TENM4: variants seen among roughly 807,000 people sequenced by gnomAD.
The protein encoded by TENM4 is teneurin-4.
In TENM4, 82 loss-of-function variants were observed where a neutral mutation model predicts 243.3. The ratio of observed to expected loss-of-function variants is 0.34; its 90% CI spans 0.28 to 0.40. The LOEUF is 0.40. Ranked by LOEUF, TENM4 falls within the 10% of genes least tolerant of loss-of-function variation. TENM4 has a pLI of 1.00. For synonymous variants in TENM4, 1,412 were observed against 1,456.3 expected (o/e 0.97, Z 0.69); for missense variants, 3,138 against 3,673.3 (o/e 0.85, Z 3.77).
At chr11:78,955,225 T>C (rs567496813) in intron 6 of TENM4, among the ~76,000 whole-genome samples, 144 of 152,334 alleles carry the variant, frequency 9.5e-4, no homozygotes, top group African/African-American at 3.4e-3. Flanking sequence ...TTCACCCTCC[T>C]TCACATTTCT....
intron 1 of TENM4, among the ~76,000 whole-genome samples, chr11:79,426,431 G>C (rs532150669): frequency 8.5e-5 from 13 of 152,160 alleles, no homozygotes; most frequent in Non-Finnish European, 1.8e-4. Flanking sequence ...TGCCCCTCTG[G>C]AAAATGGGAA....
At chr11:79,254,543 A>T (rs663876) in intron 2 of TENM4, among the ~76,000 whole-genome samples, 5,646 of 152,216 alleles carry the variant, frequency 0.037, 248 homozygotes, top group East Asian at 0.13. Context: ...TTCTTTTCTG[A>T]CTTTCTGGAC....
chr11:78,733,796 C>G (rs1269669977), intron 20 of TENM4, among the ~76,000 whole-genome samples: 2 of 152,200 alleles, frequency 1.3e-5, no homozygotes, highest in Non-Finnish European at 2.9e-5. Context: ...AAGAGGGCCA[C>G]ATGTGAACCA....
At chr11:78,958,860 G>A (rs1857260552) in intron 6 of TENM4, among the ~76,000 whole-genome samples, 1 of 152,256 alleles carries the variant, frequency 6.6e-6, no homozygotes, top group South Asian at 2.1e-4. Flanking sequence ...CAACTGCTCT[G>A]TTGAGGGTGG....
intron 3 of TENM4, among the ~76,000 whole-genome samples, chr11:79,164,479 T>A (rs946239736): frequency 1.6e-5 from 2 of 127,694 alleles, no homozygotes; most frequent in Non-Finnish European, 3.1e-5. Flanking sequence ...TGTATATATA[T>A]AGTGTATACA....
At chr11:78,724,467 C>T (rs1785809) in intron 23 of TENM4, among the ~76,000 whole-genome samples, 59,340 of 152,062 alleles carry the variant, frequency 0.39, 14,128 homozygotes, top group African/African-American at 0.68. Context: ...TCTGAATTTA[C>T]TTTATATATA....
Position 78,669,316 on chromosome 11 carries a change from T to A in TENM4, c.7029A>T (p.Gly2343=). The A allele has an allele frequency of 6.2e-7, 1 of 1,613,872 alleles. No individual in the cohort carries two copies. The highest frequency in any genetic ancestry group is 8.5e-7 in the Non-Finnish European group (1 of 1,179,826). The change falls in exon 32 of 34, where the codon GGA becomes GGT. Residue 2343 remains glycine, a synonymous_variant. Coordinates refer to ENST00000278550, the MANE Select transcript of TENM4 (RefSeq NM_001098816.3). The surrounding 1 kb of genome is among the most constrained non-coding windows in gnomAD (Gnocchi z 6.4). ...TGCTCAGCTCCATGGCAAAGAGGTG[T>A]CCTTGCAAGTCGTAGTAGAGGGAGG... The part of the protein sequence containing the change: ...EITSLYYDLQ[G]HLFAMELSSG...
At chr11:79,415,236 C>T (rs1318215887) in intron 1 of TENM4, among the ~76,000 whole-genome samples, 1 of 152,190 alleles carries the variant, frequency 6.6e-6, no homozygotes, top group Non-Finnish European at 1.5e-5. Context: ...GAAATTAAAG[C>T]ATGTTTAATC....
chr11:78,812,225 C>G lies in TENM4; in HGVS notation c.1875G>C (p.Val625=), dbSNP rs1346813068. 3.2e-6 allele frequency: 5 copies of G among 1,551,958 alleles called. No homozygotes were observed. Among genetic ancestry groups the G allele is most frequent in the Non-Finnish European group, 4.4e-6 (5 of 1,147,146 alleles). The change falls in exon 14 of 34, where the codon GTG becomes GTC. Residue 625 remains valine (V), a synonymous_variant. Coordinates refer to ENST00000278550, the MANE Select transcript of TENM4 (RefSeq NM_001098816.3). ...HSGWKGAECD[V]PTNQCIDVAC... is the part of the protein sequence containing the mutation. ...CCACATCGATACACTGGTTGGTGGGCACATCGCACTCAGCGCCTTTCCAGC... is the reference window on the plus strand; with the variant it reads ...CCACATCGATACACTGGTTGGTGGGGACATCGCACTCAGCGCCTTTCCAGC...
chr11:79,215,490 C>A (rs1864033690), intron 3 of TENM4, among the ~76,000 whole-genome samples: 1 of 152,056 alleles, frequency 6.6e-6, no homozygotes. Flanking sequence ...TGGTCCTAGA[C>A]CGACATGTGA....
chr11:79,378,457 A>C (rs1857935006), intron 1 of TENM4, among the ~76,000 whole-genome samples: 1 of 152,202 alleles, frequency 6.6e-6, no homozygotes, highest in Admixed American at 6.5e-5. Context: ...CTAAGTGAGG[A>C]GCATGGGAGG....
intron 3 of TENM4, among the ~76,000 whole-genome samples, chr11:79,200,641 C>T (rs1046400956): frequency 6.6e-6 from 1 of 152,196 alleles, no homozygotes; most frequent in Non-Finnish European, 1.5e-5. Context: ...TATTTTCATC[C>T]CATCTCTCTT....
intron 12 of TENM4, among the ~76,000 whole-genome samples, chr11:78,821,922 A>G (rs1224366030): frequency 6.6e-6 from 1 of 152,226 alleles, no homozygotes; most frequent in South Asian, 2.1e-4. Context: ...TTCTGTTTAC[A>G]TGTATGTATC....
intron 6 of TENM4, among the ~76,000 whole-genome samples, chr11:78,953,026 C>T (rs1857135204): frequency 6.6e-6 from 1 of 152,142 alleles, no homozygotes; most frequent in Admixed American, 6.5e-5. Context: ...ATAGGATCCA[C>T]CAGGAAAGAG....
chr11:79,017,878 C>T (rs2136785472), intron 6 of TENM4, among the ~76,000 whole-genome samples: 1 of 152,330 alleles, frequency 6.6e-6, no homozygotes, highest in South Asian at 2.1e-4. Context: ...TCTACTGTCA[C>T]TGTCTTGAAA....
chr11:78,777,825 C>T (rs1276304045), intron 17 of TENM4, among the ~76,000 whole-genome samples: 2 of 152,286 alleles, frequency 1.3e-5, no homozygotes, highest in Middle Eastern at 3.4e-3. Flanking sequence ...TATTTCTCCT[C>T]AAGGAGCTTA....
chr11:78,698,506 A>G (rs1859022028), intron 28 of TENM4, among the ~76,000 whole-genome samples: 1 of 152,086 alleles, frequency 6.6e-6, no homozygotes. Context: ...TTTTTTTTAG[A>G]AAAATAGAAC....
At chr11:78,926,742 A>G (rs1479372248) in intron 6 of TENM4, among the ~76,000 whole-genome samples, 1 of 150,644 alleles carries the variant, frequency 6.6e-6, no homozygotes. Flanking sequence ...TATTATAGAC[A>G]CTTTGAAAAA....
chr11:78,849,299 T>C (rs1858477055), intron 12 of TENM4, among the ~76,000 whole-genome samples: 1 of 152,222 alleles, frequency 6.6e-6, no homozygotes, highest in Admixed American at 6.5e-5. Flanking sequence ...ACTTCTTGGG[T>C]TGATGTAATA....
Sources: allele counts gnomAD v4.1 joint callset (sites outside exome capture counted in the v4.1 genomes callset), GRCh38; gene constraint gnomAD v4.1.1; non-coding constraint Gnocchi (gnomAD v3.1); transcripts MANE v1.5; gene names NCBI Gene and HGNC (gene_info 2026-07-23, HGNC 2026-07-21).